Variants in EPHX2 observed in about 807,000 individuals in gnomAD.
EPHX2 encodes epoxide hydrolase 2.
A neutral mutation model predicts 78.7 loss-of-function variants in EPHX2; 74 were observed. That is an observed-to-expected ratio of 0.94 (90% CI 0.78 to 1.14). EPHX2 has a LOEUF of 1.14. EPHX2 is among the 50% of genes most tolerant of loss of function. EPHX2 has a pLI of 0.00. For synonymous variants in EPHX2, 251 were observed against 255.2 expected, an observed-to-expected ratio of 0.98 and a Z score of 0.16; for missense variants, 715 against 702.5, an observed-to-expected ratio of 1.02 and a Z score of -0.20.
intron 10 of EPHX2, 36 bp from the exon 11 acceptor site, chr8:27,522,386 CT>C: frequency 1.2e-6 from 2 of 1,607,208 alleles, no homozygotes; most frequent in Non-Finnish European, 1.7e-6. Context: ...TTCCAGAAGC[CT>C]CCCCACATTC....
intron 14 of EPHX2, 126 bp downstream of exon 14, chr8:27,538,818 G>T (rs538912480): frequency 9.4e-7 from 1 of 1,058,732 alleles, no homozygotes; most frequent in African/African-American, 1.6e-5. Context: ...TGCCCAACCA[G>T]GGTCCCCTCG....
At chr8:27,511,716 G>A (rs770590393) in intron 5 of EPHX2, 120 bp from the exon 6 acceptor site, 1 of 979,388 alleles carries the variant, frequency 1.0e-6, no homozygotes, top group Non-Finnish European at 1.6e-6. Context: ...GCCACCAGGA[G>A]GGCTCAGGAT....
At position 27,536,848 on chromosome 8, in the gene EPHX2, G is replaced by T; in HGVS notation, c.1235G>T (p.Ser412Ile). 1 of 1,613,964 alleles carries T rather than the reference G, an allele frequency of 6.2e-7. No homozygotes were observed. Among genetic ancestry groups the T allele is most frequent in the Non-Finnish European group, 8.5e-7 (1 of 1,180,004 alleles). Residue 412 changes from serine (S) to isoleucine (I), a missense_variant, in exon 13 of 19, where the codon AGC (serine) becomes ATC (isoleucine). Transcript: ENST00000521400. ...ACTTTCAAAAGCCTCTTCAGAGCAAGCGATGAGGTGAGGGGTGGGGATGGG... is the reference window on the plus strand; with the variant it reads ...ACTTTCAAAAGCCTCTTCAGAGCAATCGATGAGGTGAGGGGTGGGGATGGG... ...SRTFKSLFRA[S>I]DESVLSMHKV... is the part of the protein sequence containing the mutation.
intron 15 of EPHX2, 100 bp downstream of exon 15, chr8:27,540,756 C>T (rs1815372885): frequency 8.8e-7 from 1 of 1,132,374 alleles, no homozygotes. Context: ...TCCTCCACCA[C>T]AGCCCTCGTT....
intron 1 of EPHX2, among the ~76,000 whole-genome samples, chr8:27,500,561 C>T (rs1410947216): frequency 6.6e-6 from 1 of 152,120 alleles, no homozygotes. Flanking sequence ...AGAAGGTGAA[C>T]TCATGAAAAA....
chr8:27,541,559 G>C lies in EPHX2; in HGVS notation c.1449+17G>C. Reference sequence around the variant, plus strand: ...GGACGGAAGGTGAGTGCCAGGTTCAGTGTAGTCTCATCCACACCCCAGGAC... The same window carrying C: ...GGACGGAAGGTGAGTGCCAGGTTCACTGTAGTCTCATCCACACCCCAGGAC... On this transcript the variant is annotated intron_variant, in intron 16 of 18. Coordinates refer to ENST00000521400, the MANE Select transcript of EPHX2 (RefSeq NM_001979.6). 6.2e-7 allele frequency: 1 copy of C among 1,614,210 alleles called. No individual in the cohort carries two copies. Among genetic ancestry groups the C allele is most frequent in the Non-Finnish European group, 8.5e-7 (1 of 1,180,004 alleles).
chr8:27,492,911 C>T (rs1405139409), intron 1 of EPHX2: 2 of 154,102 alleles, frequency 1.3e-5, no homozygotes, highest in Non-Finnish European at 2.9e-5. Flanking sequence ...CCACCTGCTA[C>T]TGGGAACTGG....
chr8:27,516,553 T>C (rs1170815817), intron 8 of EPHX2, among the ~76,000 whole-genome samples, 155 bp downstream of exon 8: 1 of 151,984 alleles, frequency 6.6e-6, no homozygotes, highest in Non-Finnish European at 1.5e-5. Flanking sequence ...GTGCCCTGTG[T>C]CTCTGCACTT....
At chr8:27,525,298 T>C in intron 11 of EPHX2, 64 bp from the exon 12 acceptor site, 1 of 1,495,838 alleles carries the variant, frequency 6.7e-7, no homozygotes, top group Non-Finnish European at 9.3e-7. Context: ...TGCAAAGTCC[T>C]TTCTGGCTCT....
chr8:27,536,399 C>T (rs1252384823), intron 12 of EPHX2, among the ~76,000 whole-genome samples: 2 of 152,110 alleles, frequency 1.3e-5, no homozygotes, highest in African/African-American at 4.8e-5. Flanking sequence ...TTTGGCTTTT[C>T]TGCTTGGTTT....
chr8:27,497,945 C>T (rs1813634438), intron 1 of EPHX2, among the ~76,000 whole-genome samples: 1 of 152,190 alleles, frequency 6.6e-6, no homozygotes, highest in South Asian at 2.1e-4. Flanking sequence ...GGCTGTCATT[C>T]TGTCATTTAC....
intron 13 of EPHX2, among the ~76,000 whole-genome samples, chr8:27,537,613 T>TA (rs1168613638): frequency 6.6e-6 from 1 of 152,226 alleles, no homozygotes; most frequent in Non-Finnish European, 1.5e-5. Context: ...TTAATTTCAA[T>TA]AAATAGTTTT....
At chr8:27,535,921 C>T (rs549384704) in intron 12 of EPHX2, among the ~76,000 whole-genome samples, 13 of 152,294 alleles carry the variant, frequency 8.5e-5, no homozygotes, top group Admixed American at 2.6e-4. Flanking sequence ...GTTCTGGAGC[C>T]TATTTTGTAC....
intron 6 of EPHX2, among the ~76,000 whole-genome samples, chr8:27,514,917 A>G (rs1814392780): frequency 6.6e-6 from 1 of 152,186 alleles, no homozygotes. Context: ...GCCCCCAAAA[A>G]GACTATGGGT....
intron 12 of EPHX2, among the ~76,000 whole-genome samples, chr8:27,527,417 C>T (rs1208052216): frequency 6.6e-6 from 1 of 152,282 alleles, no homozygotes; most frequent in African/African-American, 2.4e-5. Flanking sequence ...GACCATGTCA[C>T]CTATTTGTAA....
chr8:27,525,692 G>T (rs1814818748), intron 12 of EPHX2, among the ~76,000 whole-genome samples: 1 of 151,826 alleles, frequency 6.6e-6, no homozygotes, highest in South Asian at 2.1e-4. Context: ...GAAGGGCCGG[G>T]GGATGTTGTA....
chr8:27,501,389 T>TCCTTCTTCCTTCTTCCTTCTTC (rs1554519562), intron 2 of EPHX2, among the ~76,000 whole-genome samples: 1 of 137,386 alleles, frequency 7.3e-6, no homozygotes, highest in African/African-American at 2.9e-5. Flanking sequence ...TTCTTCTTCT[T>TCCTTCTTCCTTCTTCCTTCTTC]CTTCTTTCTT....
rs114606403 is a variant in EPHX2, at chr8:27,494,165, T to A, written c.101+2856T>A. On this transcript the variant is annotated intron_variant, in intron 1 of 18. Transcript: ENST00000521400. ...GTGACTCAGGAGTTACTATGATCAG[T>A]TGGGGCTTGAAGTTATAGGGTGTAA... Among the ~76,000 whole-genome samples the A allele has an allele frequency of 9.1e-3, 1,378 of 152,262 alleles. 28 individuals carry two copies. The highest frequency in any genetic ancestry group is 0.032 in the African/African-American group (1,333 of 41,548).
chr8:27,532,573 C>G (rs766636024), intron 12 of EPHX2, among the ~76,000 whole-genome samples: 4 of 152,096 alleles, frequency 2.6e-5, no homozygotes, highest in Non-Finnish European at 5.9e-5. Flanking sequence ...TGGGGGCTCC[C>G]GAGAGAGAGT....
Sources: allele counts gnomAD v4.1 joint callset (sites outside exome capture counted in the v4.1 genomes callset), GRCh38; gene constraint gnomAD v4.1.1; transcripts MANE v1.5; gene names NCBI Gene and HGNC (gene_info 2026-07-23, HGNC 2026-07-21).